The following TNRC6C variants were observed in gnomAD, a reference collection of about 807,000 sequenced individuals.
The protein encoded by TNRC6C is trinucleotide repeat-containing gene 6C protein.
TNRC6C carries 20 observed loss-of-function variants against 153.7 expected under a neutral mutation model. The observed-to-expected ratio is 0.13, with a 90% CI of 0.09 to 0.19. The LOEUF is 0.19. Among genes scored for constraint, TNRC6C ranks in the 10% least tolerant of loss-of-function variants. The probability of loss-of-function intolerance (pLI) is 1.00; values close to 1 mark genes in which losing one functional copy is unlikely to be tolerated. For synonymous variants in TNRC6C, 811 were observed against 841.4 expected, an observed-to-expected ratio of 0.96 and a Z score of 0.63; for missense variants, 1,987 against 2,172.0, an observed-to-expected ratio of 0.91 and a Z score of 1.69.
intron 17 of TNRC6C, among the ~76,000 whole-genome samples, chr17:78,100,809 C>T (rs1250390556): frequency 8.5e-6 from 1 of 118,132 alleles, no homozygotes; most frequent in Non-Finnish European, 1.6e-5. Context: ...GAGTTTCACT[C>T]TTGTCACCCA....
intron 10 of TNRC6C, among the ~76,000 whole-genome samples, 186 bp from the exon 13 acceptor site, chr17:78,082,861 C>A (rs1160474634): frequency 6.6e-6 from 1 of 152,232 alleles, no homozygotes; most frequent in African/African-American, 2.4e-5. Context: ...TGTCTTTACA[C>A]AGTCCTGCAT....
chr17:78,042,767 GTGGTGGTGCTGA>G (rs1446651184), intron 2 of TNRC6C, among the ~76,000 whole-genome samples: 34 of 151,876 alleles, frequency 2.2e-4, no homozygotes, highest in Non-Finnish European at 4.0e-4. Flanking sequence ...GGTGATCATG[GTGGTGGTGCTGA>G]TGGTGGTGGT....
upstream of TNRC6C, among the ~76,000 whole-genome samples, chr17:77,999,938 T>C (rs147485568): frequency 6.6e-6 from 1 of 152,306 alleles, no homozygotes; most frequent in African/African-American, 2.4e-5. Context: ...TTTCAATGGC[T>C]AGAAGCAAGT....
intron 1 of TNRC6C, among the ~76,000 whole-genome samples, chr17:78,006,491 CT>C (rs755281883): frequency 0.011 from 1,541 of 134,302 alleles, 30 homozygotes; most frequent in African/African-American, 0.04. Flanking sequence ...TCTTCTTCTT[CT>C]TTCTTCTTCT....
At position 78,064,715 on chromosome 17, in the gene TNRC6C, T is replaced by C. The variant is rs1428772477; in HGVS notation, c.2396-7T>C. 1 of 1,613,318 alleles carries C rather than the reference T, an allele frequency of 6.2e-7. No individual in the cohort carries two copies. Among genetic ancestry groups the C allele is most frequent in the Admixed American group, 1.7e-5 (1 of 59,780 alleles). The stretch of plus-strand genomic sequence containing the variant: ...TTATTTTCTCTACCCCTTGGAACCT[T>C]TTTCAGTTTCATCAGGCTGGGGAGA... On this transcript the variant is annotated splice_polypyrimidine_tract_variant and splice_region_variant and intron_variant, in intron 3 of 19. Coordinates refer to ENST00000301624, the Ensembl canonical transcript of TNRC6C.
At chr17:77,998,427 C>G (rs1251778171) in intron 1 of TNRC6C, among the ~76,000 whole-genome samples, 1 of 152,150 alleles carries the variant, frequency 6.6e-6, no homozygotes, top group African/African-American at 2.4e-5. Flanking sequence ...TTTTTCTTCA[C>G]TGATCTTCCT....
At position 77,961,740 on chromosome 17, in the gene TNRC6C, T is replaced by C. The variant is rs145580654; in HGVS notation, c.-38+2472T>C. On this transcript the variant is annotated intron_variant, in intron 1 of 22. Coordinates refer to the TNRC6C transcript ENST00000636222. ...TTGGAGTAAATAGTTGCCTTTAGAA[T>C]GCTGATTGTGAAGGTAGAGTGGAAT... Among the ~76,000 whole-genome samples, 8 of 152,352 alleles carry C rather than the reference T, an allele frequency of 5.3e-5. No individual in the cohort carries two copies. In the East Asian group the frequency reaches 1.5e-3, roughly 29 times the overall value.
At chr17:78,047,837 A>G (rs745740159) in intron 2 of TNRC6C, among the ~76,000 whole-genome samples, 6 of 152,192 alleles carry the variant, frequency 3.9e-5, no homozygotes, top group Non-Finnish European at 8.8e-5. Context: ...TTAGTGATAC[A>G]TACTTGGAAT....
chr17:78,054,401 A>T (rs2072603622), intron 3 of TNRC6C, among the ~76,000 whole-genome samples: 1 of 151,948 alleles, frequency 6.6e-6, no homozygotes, highest in South Asian at 2.1e-4. Context: ...ACTGCAGAGT[A>T]CTGTGCACTA....
chr17:77,999,395 C>A (rs1045826595), upstream of TNRC6C, among the ~76,000 whole-genome samples: 1 of 152,252 alleles, frequency 6.6e-6, no homozygotes, highest in Non-Finnish European at 1.5e-5. Flanking sequence ...GCCTTCCCTA[C>A]ATTTTAACTC....
exon 12 of TNRC6C, chr17:78,086,558 C>CCGGATCCATGAGACAACA: frequency 6.2e-7 from 1 of 1,613,920 alleles, no homozygotes; most frequent in Non-Finnish European, 8.5e-7. Flanking sequence ...CGTAATGTGT[C>CCGGATCCATGAGACAACA]CGGATCCATG....
chr17:78,032,258 A>G (rs965966411), intron 2 of TNRC6C, among the ~76,000 whole-genome samples: 18 of 152,238 alleles, frequency 1.2e-4, no homozygotes, highest in African/African-American at 4.1e-4. Context: ...AGGCGTTTCT[A>G]ACTGTAACTT....
rs367993355 is a variant in TNRC6C, at chr17:78,104,503, T to C, written c.4731T>C (p.Thr1577=). Residue 1577 remains threonine (T), a synonymous_variant, in exon 20 of 20, where the codon ACT becomes ACC. Transcript: ENST00000301624. This position sits in a 1 kb window ranked among gnomAD's most constrained non-coding sequence, Gnocchi z 6.2. Reference sequence around the variant, plus strand: ...GTTGCAGGTGCGTCCTGGGAAACACTACCATCCTGGCCGAGTTCGCTGGTG... The same window carrying C: ...GTTGCAGGTGCGTCCTGGGAAACACCACCATCCTGGCCGAGTTCGCTGGTG... 29 of 1,519,840 alleles carry C rather than the reference T, an allele frequency of 1.9e-5. No individual in the cohort carries two copies. The highest frequency in any genetic ancestry group is 2.5e-5 in the Non-Finnish European group (28 of 1,129,174). 94.1% of individuals were successfully genotyped at this position (1,519,840 alleles called of 1,614,324 possible). A position where few individuals can be genotyped will look rare whatever the true frequency, so the allele number is the denominator to read the frequency against.
intron 13 of TNRC6C, among the ~76,000 whole-genome samples, chr17:78,088,026 A>G (rs1011510451): frequency 6.6e-5 from 10 of 152,258 alleles, no homozygotes; most frequent in Non-Finnish European, 1.5e-4. Context: ...GGTTATCGGT[A>G]ACTTGGAAAA....
At chr17:77,993,946 A>G (rs1011615626) in intron 1 of TNRC6C, among the ~76,000 whole-genome samples, 1 of 152,110 alleles carries the variant, frequency 6.6e-6, no homozygotes, top group Non-Finnish European at 1.5e-5. Flanking sequence ...AAATTCCAGC[A>G]CTGTAGGAGG....
exon 9 of TNRC6C, chr17:78,077,298 C>T (rs1264030814): frequency 4.4e-6 from 7 of 1,583,280 alleles, no homozygotes; most frequent in Middle Eastern, 1.7e-4. Flanking sequence ...GGATTGCCTC[C>T]GGGCTGGGCA....
At position 78,050,185 on chromosome 17, in the gene TNRC6C, G is replaced by A. The variant is rs202206566; in HGVS notation, c.1123G>A (p.Val375Ile). Residue 375 changes from valine to isoleucine, a missense_variant, in exon 3 of 20, where the codon GTA (valine) becomes ATA (isoleucine). Physicochemically the swap from Val to Ile is conservative, Grantham distance 29. Transcript: ENST00000301624. ...TAGTGTCACCAGCCAGAACCCTACC[G>A]TACAGCCTGGTGGTGAACACATGAA... 108 of 1,551,806 alleles carry A rather than the reference G, an allele frequency of 7.0e-5. No homozygotes were observed. Among genetic ancestry groups the A allele is most frequent in the Middle Eastern group, 3.5e-4 (2 of 5,754 alleles).
At chr17:77,963,144 A>G (rs1383175802) in intron 1 of TNRC6C, among the ~76,000 whole-genome samples, 1 of 152,266 alleles carries the variant, frequency 6.6e-6, no homozygotes, top group Non-Finnish European at 1.5e-5. Context: ...GAGTCCATTT[A>G]TAAATTTTCA....
intron 1 of TNRC6C, among the ~76,000 whole-genome samples, chr17:77,984,138 G>GT (rs1447517531): frequency 6.6e-6 from 1 of 152,188 alleles, no homozygotes. Context: ...GATGGGCACT[G>GT]TAGACATTTC....
Sources: gnomAD v4.1 joint callset for allele counts (sites outside exome capture counted in the v4.1 genomes callset) on GRCh38, gnomAD v4.1.1 for gene constraint, Gnocchi (gnomAD v3.1) non-coding constraint, MANE v1.5 for transcripts, NCBI Gene and HGNC (gene_info 2026-07-23, HGNC 2026-07-21) for gene names.